MED12: variants seen among roughly 807,000 people sequenced by gnomAD.
MED12 encodes mediator complex subunit 12.
In MED12, 10 loss-of-function variants were observed where a neutral mutation model predicts 177.7. The observed-to-expected ratio is 0.06, with a 90% CI of 0.03 to 0.10. MED12 has a LOEUF of 0.10. Ranked by LOEUF, MED12 falls within the 10% of genes least tolerant of loss-of-function variation. The probability of loss-of-function intolerance (pLI) is 1.00; values close to 1 mark genes in which losing one functional copy is unlikely to be tolerated. For synonymous variants in MED12, 641 were observed against 678.4 expected (o/e 0.94, Z 0.86); for missense variants, 867 against 1,780.8 (o/e 0.49, Z 9.23).
In MED12 at chrX:71,137,617, C is replaced by T. The variant is rs757398839; in HGVS notation, c.5808C>T (p.Tyr1936=). The T allele has an allele frequency of 8.3e-6, 10 of 1,207,463 alleles. No homozygotes were observed. Among genetic ancestry groups the T allele is most frequent in the South Asian group, 7.1e-5 (4 of 56,502 alleles). ...SVHQMTPSSS[Y]GLQTSQGYTP... is the part of the protein sequence containing the mutation. The stretch of plus-strand genomic sequence containing the variant: ...ATCAGATGACTCCCAGCTCTTCCTA[C>T]GGTTTGCAGACTTCCCAGGTAAGAG... The change falls in exon 40 of 45, where the codon TAC becomes TAT. Residue 1936 remains tyrosine (Y), a synonymous_variant. Transcript: ENST00000374080.
rs368090262 is a variant in MED12 at position 71,126,370 on chromosome X, G to A, written c.2571G>A (p.Thr857=). 1.5e-5 allele frequency: 18 copies of A among 1,210,405 alleles called. No individual in the cohort carries two copies. In the East Asian group the frequency reaches 4.1e-4, roughly 28 times the overall value. The change falls in exon 19 of 45, where the codon ACG becomes ACA. Residue 857 remains threonine, a synonymous_variant. Coordinates refer to ENST00000374080, the MANE Select transcript of MED12 (RefSeq NM_005120.3). ...CCCGGAATGTTCTGGAGCAGATCAC[G>A]AGCTTTGCCCTTGGCATGTCATACC... is the stretch of plus-strand genomic sequence containing the variant. ...QVSRNVLEQI[T]SFALGMSYHL... is the part of the protein sequence containing the mutation.
intron 15 of MED12, 91 bp downstream of exon 15, chrX:71,125,237 G>A: frequency 8.4e-7 from 1 of 1,195,046 alleles, no homozygotes; most frequent in Non-Finnish European, 1.1e-6. Context: ...TTCTGAGGAT[G>A]TGGGTTGGGA....
intron 7 of MED12, 57 bp downstream of exon 7, chrX:71,121,873 G>A (rs2092290363): frequency 8.3e-7 from 1 of 1,201,714 alleles, no homozygotes; most frequent in African/African-American, 1.7e-5. Context: ...AGAATCAGGT[G>A]CCCATCCCAG....
chrX:71,136,982 G>A lies in MED12; in HGVS notation c.5504G>A (p.Arg1835Lys). ...GGTTCTATAACACACCTTAACTACA[G>A]GCAAGGCTCCATAGGCCTGTACACC... ...NPGSITHLNY[R>K]QGSIGLYTQN... The change falls in exon 38 of 45, where the codon AGG (arginine) becomes AAG (lysine). Residue 1835 changes from arginine to lysine, a missense_variant. Arg to Lys is a conservative substitution (Grantham distance 26). Around this residue, in one of 14 missense-constraint regions of MED12, gnomAD observed 236 missense variants for 345.2 expected, o/e 0.68. Transcript: ENST00000374080. The A allele has an allele frequency of 8.3e-7, 1 of 1,206,288 alleles. No homozygotes were observed. Among genetic ancestry groups the A allele is most frequent in the Non-Finnish European group, 1.1e-6 (1 of 893,571 alleles).
chrX:71,120,859 CAGCCTCCCAA>C, intron 4 of MED12, 102 bp from the exon 5 acceptor site: 1 of 937,973 alleles, frequency 1.1e-6, no homozygotes, highest in Non-Finnish European at 1.5e-6. Flanking sequence ...CCACCTGCCT[CAGCCTCCCAA>C]AGTGCTGGGA....
At chrX:71,134,675 C>G (rs1347883867) in intron 34 of MED12, 38 bp from the exon 35 acceptor site, 3 of 1,206,567 alleles carry the variant, frequency 2.5e-6, no homozygotes, top group Non-Finnish European at 3.4e-6. Flanking sequence ...ATCTTCACCT[C>G]TTTCTTCTTT....
chrX:71,133,286 G>A (rs1396125312), intron 33 of MED12, 74 bp downstream of exon 33: 1 of 705,701 alleles, frequency 1.4e-6, no homozygotes, highest in Non-Finnish European at 2.3e-6. Flanking sequence ...CTCAGGTTGG[G>A]GAGAATGGGG....
Position 71,128,145 on chromosome X carries a change from G to A in MED12, c.3209+25G>A, listed in dbSNP as rs769972893. The A allele has an allele frequency of 2.5e-6, 3 of 1,193,990 alleles. No homozygotes were observed. The African/African-American group carries it at 5.3e-5, about 21-fold the overall frequency. On this transcript the variant is annotated intron_variant, in intron 22 of 44. Transcript: ENST00000374080. ...GGTATGGGGTGTACTGAGTGAGGAA[G>A]GGCACCATGCCCCCATCTGAGATAG...
intron 21 of MED12, 187 bp from the exon 22 acceptor site, chrX:71,127,706 G>A (rs2092306820): frequency 8.3e-6 from 4 of 483,066 alleles, no homozygotes; most frequent in Non-Finnish European, 1.4e-5. Flanking sequence ...GCCTTCAGAG[G>A]CCCCAGTTCC....
At chrX:71,121,283 C>G (rs1282186595) in intron 5 of MED12, 44 bp from the exon 6 acceptor site, 1 of 1,190,814 alleles carries the variant, frequency 8.4e-7, no homozygotes, top group African/African-American at 1.8e-5. Context: ...ACTTTATCTG[C>G]TTCATCTCTA....
At chrX:71,141,993 C>T in intron 44 of MED12, 29 bp downstream of exon 44, 1 of 1,201,581 alleles carries the variant, frequency 8.3e-7, no homozygotes, top group Non-Finnish European at 1.1e-6. Context: ...CCAAGGAGAA[C>T]CCCATGGAAT....
rs1415832392 is a variant in MED12 at position 71,137,567 on chromosome X, G to A, written c.5758G>A (p.Gly1920Ser). Reference sequence around the variant, plus strand: ...TCTTTTCTCCCTTTAGCAGAGTCAGGGCATGTTGGGACAGTCATCTGTCCA... The same window carrying A: ...TCTTTTCTCCCTTTAGCAGAGTCAGAGCATGTTGGGACAGTCATCTGTCCA... Reference protein sequence around the residue: ...RLRQQLQQSQGMLGQSSVHQM... With the variant: ...RLRQQLQQSQSMLGQSSVHQM... The change falls in exon 40 of 45, where the codon GGC becomes AGC. Residue 1920 changes from glycine (G) to serine (S), a missense_variant. Physicochemically the swap from Gly to Ser is moderately conservative, Grantham distance 56. Around this residue, in one of 14 missense-constraint regions of MED12, gnomAD observed 236 missense variants for 345.2 expected, o/e 0.68. Transcript: ENST00000374080. 5.8e-6 allele frequency: 7 copies of A among 1,209,255 alleles called. No homozygotes were observed. Among genetic ancestry groups the A allele is most frequent in the Non-Finnish European group, 7.8e-6 (7 of 893,974 alleles).
chrX:71,140,080 C>CTTTTTTTTT (rs746271800), intron 41 of MED12, among the ~76,000 whole-genome samples: 1 of 88,646 alleles, frequency 1.1e-5, no homozygotes, highest in Non-Finnish European at 2.2e-5. Flanking sequence ...TCTTTTCTTT[C>CTTTTTTTTT]TTTTTTTTTT....
At chrX:71,132,767 C>CCACTTCTCTT (rs1219529434) in intron 31 of MED12, 78 bp from the exon 32 acceptor site, 1 of 635,954 alleles carries the variant, frequency 1.6e-6, no homozygotes, top group Non-Finnish European at 2.3e-6. Context: ...CCTCTTCTCT[C>CCACTTCTCTT]CTCTTCTCTT....
intron 4 of MED12, 74 bp from the exon 5 acceptor site, chrX:71,120,897 C>T (rs910103421): frequency 7.8e-6 from 9 of 1,155,749 alleles, no homozygotes; most frequent in African/African-American, 7.1e-5. Flanking sequence ...CATGAGCCAC[C>T]GCACCCAGCC....
chrX:71,131,684 G>A (rs976688375), intron 29 of MED12, 63 bp downstream of exon 29: 39 of 1,085,799 alleles, frequency 3.6e-5, no homozygotes, highest in Admixed American at 2.5e-4. Context: ...TCAGGGAGGC[G>A]GTCCACCACA....
intron 19 of MED12, among the ~76,000 whole-genome samples, chrX:71,126,692 G>GAGC (rs1246706411): frequency 8.9e-6 from 1 of 112,323 alleles, no homozygotes; most frequent in Non-Finnish European, 1.9e-5. Flanking sequence ...AGGCAGATTA[G>GAGC]AGCATTGGGC....
chrX:71,129,512 T>G, intron 26 of MED12, 83 bp downstream of exon 26: 2 of 946,571 alleles, frequency 2.1e-6, no homozygotes, highest in Non-Finnish European at 3.0e-6. Flanking sequence ...TCTTTCTCCC[T>G]TCTGAAGGTG....
chrX:71,136,388 C>T lies in MED12; in HGVS notation c.5133C>T (p.Asp1711=). 8.3e-7 allele frequency: 1 copy of T among 1,211,348 alleles called. No homozygotes were observed. The highest frequency in any genetic ancestry group is 1.1e-6 in the Non-Finnish European group (1 of 895,430). ...SWGWFGTVRV[D]RRVARGEEQQ... is the part of the protein sequence containing the mutation. ...GCTGGTTTGGAACAGTCCGAGTGGA[C>T]CGGCGAGTGGCTCGAGGAGAGGAGC... Residue 1711 remains aspartate, a synonymous_variant, in exon 37 of 45, where the codon GAC becomes GAT. Coordinates refer to ENST00000374080, the MANE Select transcript of MED12 (RefSeq NM_005120.3).
Sources: allele counts gnomAD v4.1 joint callset (sites outside exome capture counted in the v4.1 genomes callset), GRCh38; gene constraint gnomAD v4.1.1; regional missense constraint gnomAD v4.1.1; transcripts MANE v1.5; gene names NCBI Gene and HGNC (gene_info 2026-07-23, HGNC 2026-07-21).